The following PCNX1 variants were observed in gnomAD, a reference collection of about 807,000 sequenced individuals.
PCNX1 encodes pecanex 1, also known as pecanex-like protein 1.
In PCNX1, 78 loss-of-function variants were observed where a neutral mutation model predicts 242.2. The ratio of observed to expected loss-of-function variants is 0.32; its 90% CI spans 0.27 to 0.39. PCNX1 has a LOEUF of 0.39. Ranked by LOEUF, PCNX1 falls within the 10% of genes least tolerant of loss-of-function variation. The probability of loss-of-function intolerance (pLI) is 1.00; values close to 1 mark genes in which losing one functional copy is unlikely to be tolerated. For synonymous variants in PCNX1, 1,024 were observed against 1,032.9 expected, an observed-to-expected ratio of 0.99 and a Z score of 0.17; for missense variants, 2,581 against 2,856.5, an observed-to-expected ratio of 0.90 and a Z score of 2.20.
chr14:70,946,932 G>T lies in PCNX1; in HGVS notation c.171G>T (p.Met57Ile). 6.2e-7 allele frequency: 1 copy of T among 1,608,966 alleles called. No homozygotes were observed. Among genetic ancestry groups the T allele is most frequent in the South Asian group, 1.1e-5 (1 of 90,960 alleles). Residue 57 changes from methionine (M) to isoleucine (I), a missense_variant, in exon 2 of 36, where the codon ATG becomes ATT. By Grantham distance (10) the Met-to-Ile change is conservative. Coordinates refer to ENST00000304743, the MANE Select transcript of PCNX1 (RefSeq NM_014982.3). Reference sequence around the variant, plus strand: ...TCTTAAAGGCCCTTCCTTCTACCATGATTATAGTAGCAGTTTATTGTCCTG... The same window carrying T: ...TCTTAAAGGCCCTTCCTTCTACCATTATTATAGTAGCAGTTTATTGTCCTG... ...FTLYMALPSTMIIVAVYCPVI... is the reference protein window; with the variant it reads ...FTLYMALPSTIIIVAVYCPVI...
chr14:70,954,192 T>C (rs1306686663), intron 2 of PCNX1, among the ~76,000 whole-genome samples: 1 of 152,194 alleles, frequency 6.6e-6, no homozygotes, highest in Non-Finnish European at 1.5e-5. Context: ...TTTGCAGCAG[T>C]CTCTATGGCA....
chr14:70,979,771 T>A (rs2058783510), intron 6 of PCNX1, among the ~76,000 whole-genome samples: 1 of 152,130 alleles, frequency 6.6e-6, no homozygotes, highest in African/African-American at 2.4e-5. Context: ...TTTCTTAGAT[T>A]TTTTTGGGGG....
intron 2 of PCNX1, among the ~76,000 whole-genome samples, chr14:70,949,254 C>CACACACACGTGTAT (rs2057644138): frequency 8.3e-6 from 1 of 120,952 alleles, no homozygotes; most frequent in East Asian, 3.5e-4. Context: ...CACGTGTATA[C>CACACACACGTGTAT]ACACACACGT....
At chr14:71,003,709 G>A (rs1211511736) in intron 8 of PCNX1, among the ~76,000 whole-genome samples, 1 of 152,108 alleles carries the variant, frequency 6.6e-6, no homozygotes, top group African/African-American at 2.4e-5. Flanking sequence ...ATTAAGGCAT[G>A]TTTTATTAAC....
intron 3 of PCNX1, among the ~76,000 whole-genome samples, chr14:70,962,868 A>G (rs984698339): frequency 6.6e-6 from 1 of 152,136 alleles, no homozygotes; most frequent in Non-Finnish European, 1.5e-5. Context: ...TATTCATCCT[A>G]AATACCCGTA....
intron 3 of PCNX1, 130 bp downstream of exon 3, chr14:70,962,461 T>C: frequency 1.7e-6 from 1 of 573,170 alleles, no homozygotes; most frequent in South Asian, 2.4e-5. Flanking sequence ...TGCTTATTAA[T>C]AACATCTTTT....
chr14:71,053,310 T>C, intron 24 of PCNX1: 1 of 452,494 alleles, frequency 2.2e-6, no homozygotes, highest in Non-Finnish European at 4.4e-6. Context: ...TTTGCCCTTG[T>C]CATCCAGGCT....
chr14:70,912,823 T>A (rs1594874581), intron 1 of PCNX1, among the ~76,000 whole-genome samples: 2 of 152,350 alleles, frequency 1.3e-5, no homozygotes, highest in African/African-American at 4.8e-5. Flanking sequence ...CACACTGGCC[T>A]TTCTGTTACT....
At chr14:71,040,203 A>G (rs987831242) in intron 19 of PCNX1, among the ~76,000 whole-genome samples, 4 of 152,150 alleles carry the variant, frequency 2.6e-5, no homozygotes, top group Admixed American at 1.3e-4. Context: ...GTAGCTCTGA[A>G]TAAGTCCTTA....
At position 71,109,532 on chromosome 14, in the gene PCNX1, G is replaced by A. The variant is rs1212541990; in HGVS notation, c.6825G>A (p.Arg2275=). 1 of 1,613,994 alleles carries A rather than the reference G, an allele frequency of 6.2e-7. No homozygotes were observed. Among genetic ancestry groups the A allele is most frequent in the Non-Finnish European group, 8.5e-7 (1 of 1,179,986 alleles). Residue 2275 remains arginine, a synonymous_variant, in exon 35 of 36, where the codon CGG becomes CGA. Coordinates refer to ENST00000304743, the MANE Select transcript of PCNX1 (RefSeq NM_014982.3). ...KELQWPDEGI[R]LKAGRNSWKD... ...TACAGTGGCCTGATGAAGGAATCCG[G>A]TTAAAAGCTGGGAGAAATAGCTGGA...
At chr14:71,001,624 A>T (rs1213991769) in intron 8 of PCNX1, among the ~76,000 whole-genome samples, 2 of 152,222 alleles carry the variant, frequency 1.3e-5, no homozygotes, top group Non-Finnish European at 2.9e-5. Flanking sequence ...GTTGTAAAGA[A>T]TTCATTGAAT....
intron 19 of PCNX1, among the ~76,000 whole-genome samples, chr14:71,043,659 C>T (rs1380260751): frequency 6.6e-6 from 1 of 152,014 alleles, no homozygotes; most frequent in Non-Finnish European, 1.5e-5. Context: ...TCTTCGGTTC[C>T]AGAATTTCTG....
intron 15 of PCNX1, 83 bp downstream of exon 15, chr14:71,026,965 T>C: frequency 1.6e-6 from 1 of 623,280 alleles, no homozygotes; most frequent in East Asian, 3.1e-5. Flanking sequence ...TAAAATGCTT[T>C]TCCAGTTTTC....
intron 19 of PCNX1, among the ~76,000 whole-genome samples, chr14:71,042,879 G>A (rs530393317): frequency 6.6e-6 from 1 of 151,912 alleles, no homozygotes; most frequent in South Asian, 2.1e-4. Context: ...AAAATCATTT[G>A]TTTATCTTCT....
At chr14:71,041,482 C>T (rs964416985) in intron 19 of PCNX1, among the ~76,000 whole-genome samples, 29 of 152,006 alleles carry the variant, frequency 1.9e-4, no homozygotes, top group African/African-American at 6.5e-4. Flanking sequence ...CCAATTTATT[C>T]ACATATAGTT....
chr14:70,927,178 T>C (rs2056624710), intron 1 of PCNX1, among the ~76,000 whole-genome samples: 1 of 152,232 alleles, frequency 6.6e-6, no homozygotes, highest in Non-Finnish European at 1.5e-5. Flanking sequence ...ATCATGTTTA[T>C]TTCCGTATTA....
At chr14:71,064,872 G>A (rs910670057) in intron 26 of PCNX1, among the ~76,000 whole-genome samples, 2 of 152,098 alleles carry the variant, frequency 1.3e-5, no homozygotes, top group East Asian at 1.9e-4. Context: ...GTGGTGTTTG[G>A]TTTTCTGTTC....
rs748912545 is a variant in PCNX1 at position 70,978,661 on chromosome 14, TAAG to T, written c.2311+18_2311+20del. On this transcript the variant is annotated intron_variant, in intron 6 of 35. Transcript: ENST00000304743. ...GCAGTCAGTGGAGGTAAGTAAACTG[TAAG>T]AAGAGATTTCTGTAAGACTCACTGC... The T allele has an allele frequency of 6.3e-7, 1 of 1,588,978 alleles. No individual in the cohort carries two copies. The highest frequency in any genetic ancestry group is 8.6e-7 in the Non-Finnish European group (1 of 1,168,856).
At chr14:71,004,437 T>G (rs1370236875) in intron 8 of PCNX1, among the ~76,000 whole-genome samples, 2 of 152,214 alleles carry the variant, frequency 1.3e-5, no homozygotes, top group Non-Finnish European at 2.9e-5. Flanking sequence ...CATTCAGTTT[T>G]CATAGGAGCA....
Sources: allele counts gnomAD v4.1 joint callset (sites outside exome capture counted in the v4.1 genomes callset), GRCh38; gene constraint gnomAD v4.1.1; transcripts MANE v1.5; gene names NCBI Gene and HGNC (gene_info 2026-07-23, HGNC 2026-07-21).